PCDHGA8: variants seen among roughly 807,000 people sequenced by gnomAD.
PCDHGA8 encodes the protein protocadherin gamma subfamily A, 8.
Under a neutral mutation model 59.2 loss-of-function variants are expected in PCDHGA8, and 45 were observed. The ratio of observed to expected loss-of-function variants is 0.76; its 90% CI spans 0.60 to 0.98. The LOEUF (loss-of-function observed/expected upper bound fraction) is 0.98. PCDHGA8 is among the 50% of genes least tolerant of loss of function. The probability of loss-of-function intolerance (pLI) is 0.00; values close to 1 mark genes in which losing one functional copy is unlikely to be tolerated. For synonymous variants in PCDHGA8, 531 were observed against 519.0 expected, an observed-to-expected ratio of 1.02 and a Z score of -0.32; for missense variants, 1,257 against 1,196.2, an observed-to-expected ratio of 1.05 and a Z score of -0.75.
intron 1 of PCDHGA8, chr5:141,404,304 C>T (rs1182256144): frequency 1.2e-6 from 2 of 1,613,858 alleles, no homozygotes; most frequent in African/African-American, 2.7e-5. Flanking sequence ...AATCCACCTG[C>T]TTTCTCTCAA....
intron 1 of PCDHGA8, among the ~76,000 whole-genome samples, chr5:141,437,457 T>C (rs527469937): frequency 7.2e-5 from 11 of 152,358 alleles, no homozygotes; most frequent in Non-Finnish European, 1.5e-4. Flanking sequence ...GAGGAGACTA[T>C]ACTATACTTT....
At chr5:141,451,334 C>G (rs916812246) in intron 1 of PCDHGA8, among the ~76,000 whole-genome samples, 4 of 152,192 alleles carry the variant, frequency 2.6e-5, no homozygotes, top group Non-Finnish European at 4.4e-5. Context: ...AGGCTATTGT[C>G]TTATCTGAAG....
chr5:141,421,220 A>G (rs1178268746), intron 1 of PCDHGA8: 2 of 1,575,620 alleles, frequency 1.3e-6, no homozygotes, highest in Non-Finnish European at 1.7e-6. Flanking sequence ...ATCGGCTTAG[A>G]GCCTGCCATG....
intron 2 of PCDHGA8, among the ~76,000 whole-genome samples, chr5:141,499,983 C>T (rs765029745): frequency 5.3e-5 from 8 of 151,352 alleles, no homozygotes; most frequent in African/African-American, 9.7e-5. Context: ...CCACCTTGCC[C>T]GGCCAGATGA....
At chr5:141,403,743 C>A (rs1165597254) in intron 1 of PCDHGA8, 1 of 1,613,856 alleles carries the variant, frequency 6.2e-7, no homozygotes, top group Non-Finnish European at 8.5e-7. Context: ...CTGCTTACTG[C>A]AACAGCCAGC....
Position 141,439,149 on chromosome 5 carries a change from C to T in PCDHGA8, c.2424+43912C>T, listed in dbSNP as rs543388568. Reference sequence around the variant, plus strand: ...CAGAGGTTGCAGTGAGCTGAGATCACGCCACTGCACTCCAGCCTGGGCGAC... The same window carrying T: ...CAGAGGTTGCAGTGAGCTGAGATCATGCCACTGCACTCCAGCCTGGGCGAC... On this transcript the variant is annotated intron_variant, in intron 1 of 3. Transcript: ENST00000398604. Among the ~76,000 whole-genome samples, 165 of 150,018 alleles carry T rather than the reference C, an allele frequency of 1.1e-3. 1 individual carries two copies. In the Middle Eastern group the frequency reaches 0.017, roughly 16 times the overall value.
chr5:141,478,553 T>C, intron 1 of PCDHGA8: 1 of 1,602,704 alleles, frequency 6.2e-7, no homozygotes. Context: ...ACAGGTAAGG[T>C]TTAGCAAGTC....
At chr5:141,408,962 A>G (rs1561716536) in intron 1 of PCDHGA8, 3 of 1,613,638 alleles carry the variant, frequency 1.9e-6, no homozygotes, top group Admixed American at 3.3e-5. Flanking sequence ...TCTTAGTGAA[A>G]ATCTGCCCCC....
chr5:141,404,877 T>A (rs1242099855), intron 1 of PCDHGA8: 2 of 1,613,738 alleles, frequency 1.2e-6, no homozygotes, highest in Non-Finnish European at 1.7e-6. Flanking sequence ...AAACAGAGCC[T>A]TGTGGTGGCT....
intron 1 of PCDHGA8, chr5:141,414,763 C>A: frequency 6.2e-7 from 1 of 1,614,258 alleles, no homozygotes; most frequent in Non-Finnish European, 8.5e-7. Flanking sequence ...TGAGCAGTTT[C>A]ATGAGCTACA....
At chr5:141,413,342 TG>T in intron 1 of PCDHGA8, 1 of 1,613,974 alleles carries the variant, frequency 6.2e-7, no homozygotes, top group South Asian at 1.1e-5. Flanking sequence ...TCCAAGGACT[TG>T]GGTCTGGCGC....
rs758609540 is a variant in PCDHGA8, at chr5:141,394,390, G to A, written c.1577G>A (p.Arg526Gln). 4 of 1,614,100 alleles carry A rather than the reference G, an allele frequency of 2.5e-6. No homozygotes were observed. Among genetic ancestry groups the A allele is most frequent in the South Asian group, 2.2e-5 (2 of 91,088 alleles). ...CAATCTTTCGACTATGAGCAGATCC[G>A]AGACCTGCAGCTACTGGTAACAGCC... ...ALQSFDYEQI[R>Q]DLQLLVTASD... is the part of the protein sequence containing the mutation. The change falls in exon 1 of 4, where the codon CGA (arginine) becomes CAA (glutamine). Residue 526 changes from arginine (R) to glutamine (Q), a missense_variant. Physicochemically the swap from Arg to Gln is conservative, Grantham distance 43. Transcript: ENST00000398604.
chr5:141,404,942 A>G, intron 1 of PCDHGA8: 2 of 1,613,982 alleles, frequency 1.2e-6, no homozygotes, highest in South Asian at 1.1e-5. Context: ...CACAGTAGCC[A>G]TAGCTGACAG....
intron 1 of PCDHGA8, chr5:141,399,969 C>T (rs1371912218): frequency 1.2e-6 from 2 of 1,612,194 alleles, no homozygotes; most frequent in South Asian, 2.2e-5. Context: ...GGCTCTTCAG[C>T]CTGGGGCTGC....
chr5:141,496,342 G>A (rs1430202202), intron 2 of PCDHGA8, among the ~76,000 whole-genome samples: 1 of 152,208 alleles, frequency 6.6e-6, no homozygotes, highest in East Asian at 1.9e-4. Context: ...GAGCCTGGAG[G>A]AGTCTCAGAG....
At chr5:141,418,201 A>G (rs2096236241) in intron 1 of PCDHGA8, 1 of 1,614,020 alleles carries the variant, frequency 6.2e-7, no homozygotes, top group Non-Finnish European at 8.5e-7. Flanking sequence ...AAAATCCTTT[A>G]AATATTTTTC....
rs1269660369 is a variant in PCDHGA8 at position 141,408,454 on chromosome 5, A to T, written c.2424+13217A>T. On this transcript the variant is annotated intron_variant, in intron 1 of 3. Transcript: ENST00000398604. ...GCGTAGACGCGGAGAGCGGGGACTT[A>T]CTTGTGAAGAACCGAATAGACCGTG... The T allele has an allele frequency of 4.3e-6, 7 of 1,613,934 alleles. No homozygotes were observed. The African/African-American group carries it at 9.3e-5, about 22-fold the overall frequency.
At position 141,428,093 on chromosome 5, in the gene PCDHGA8, C is replaced by T. The variant is rs577985465; in HGVS notation, c.2424+32856C>T. On this transcript the variant is annotated intron_variant, in intron 1 of 3. Transcript: ENST00000398604. ...ATTCGGGACACAACGCTTGGCTGTC[C>T]TACCACGTGCTGCAGGCCATCGAGC... 2.4e-4 allele frequency: 380 copies of T among 1,608,880 alleles called. 2 individuals are homozygous for T. The South Asian group carries it at 4.0e-3, about 17-fold the overall frequency.
At chr5:141,510,879 G>T in intron 3 of PCDHGA8, 68 bp from the exon 4 acceptor site, 1 of 1,611,520 alleles carries the variant, frequency 6.2e-7, no homozygotes, top group Non-Finnish European at 8.5e-7. Flanking sequence ...TAACTGCTGG[G>T]GATATAAGAC....
Sources: allele counts gnomAD v4.1 joint callset (sites outside exome capture counted in the v4.1 genomes callset), GRCh38; gene constraint gnomAD v4.1.1; transcripts MANE v1.5; gene names NCBI Gene and HGNC (gene_info 2026-07-23, HGNC 2026-07-21).